The following ATAD2B variants were observed in gnomAD, a reference collection of about 807,000 sequenced individuals.
ATAD2B encodes the protein ATPase family AAA domain containing 2B.
A neutral mutation model predicts 167.6 loss-of-function variants in ATAD2B; 40 were observed. The ratio of observed to expected loss-of-function variants is 0.24; its 90% CI spans 0.19 to 0.31. The LOEUF (loss-of-function observed/expected upper bound fraction) is 0.31, where lower values mean the gene tolerates loss of function less well. Ranked by LOEUF, ATAD2B falls within the 10% of genes least tolerant of loss-of-function variation. The probability of loss-of-function intolerance (pLI) is 1.00; values close to 1 mark genes in which losing one functional copy is unlikely to be tolerated. For missense variants in ATAD2B, 1,242 were observed against 1,757.2 expected (o/e 0.71, Z 5.24); for synonymous variants, 579 against 596.5 (o/e 0.97, Z 0.43).
Position 23,819,901 on chromosome 2 carries a change from A to G in ATAD2B, c.2132-19T>C, listed in dbSNP as rs1204324813. 14 of 1,550,244 alleles carry G rather than the reference A, an allele frequency of 9.0e-6. No individual in the cohort carries two copies. Among genetic ancestry groups the G allele is most frequent in the African/African-American group, 1.4e-5 (1 of 73,272 alleles). ...TCTATATCTGTTTAAAAAAATCACA[A>G]TGGTTATGGGGCTTATAAAGTCATT... On this transcript the variant is annotated intron_variant, in intron 16 of 27. Coordinates refer to ENST00000238789, the MANE Select transcript of ATAD2B (RefSeq NM_017552.4).
chr2:23,787,009 G>GAGT (rs1196772635), intron 20 of ATAD2B, among the ~76,000 whole-genome samples: 2 of 148,180 alleles, frequency 1.3e-5, no homozygotes, highest in Non-Finnish European at 3.0e-5. Flanking sequence ...GAGTACAACA[G>GAGT]AGTACGGATA....
chr2:23,883,055 T>G (rs1698184131), intron 6 of ATAD2B, among the ~76,000 whole-genome samples: 1 of 151,876 alleles, frequency 6.6e-6, no homozygotes, highest in Non-Finnish European at 1.5e-5. Flanking sequence ...AGGAAGACTA[T>G]TTGAGCTCAC....
chr2:23,770,523 G>C (rs866243331), intron 22 of ATAD2B, among the ~76,000 whole-genome samples: 1 of 152,148 alleles, frequency 6.6e-6, no homozygotes, highest in Non-Finnish European at 1.5e-5. Context: ...GTGATCCATT[G>C]TGAGTCAACT....
intron 11 of ATAD2B, among the ~76,000 whole-genome samples, chr2:23,864,446 T>A (rs1168857311): frequency 6.6e-6 from 1 of 152,168 alleles, no homozygotes; most frequent in Non-Finnish European, 1.5e-5. Context: ...AAATACTCCA[T>A]CATCAAGTCA....
the ATAD2B span, among the ~76,000 whole-genome samples, chr2:23,727,638 A>T: frequency 6.6e-6 from 1 of 152,206 alleles, no homozygotes; most frequent in Non-Finnish European, 1.5e-5. Context: ...CTTTATTCAC[A>T]ATTGACAAAA....
At chr2:23,794,592 A>G (rs1219004608) in intron 19 of ATAD2B, among the ~76,000 whole-genome samples, 42 of 152,164 alleles carry the variant, frequency 2.8e-4, no homozygotes, top group Admixed American at 2.7e-3. Flanking sequence ...TCAGTAAAAA[A>G]TCTGAAAATA....
the ATAD2B span, among the ~76,000 whole-genome samples, chr2:23,732,636 T>G: frequency 6.6e-6 from 1 of 152,192 alleles, no homozygotes; most frequent in Non-Finnish European, 1.5e-5. Flanking sequence ...AAAATTGATG[T>G]TATTAGATAT....
chr2:23,720,333 G>C, the ATAD2B span, among the ~76,000 whole-genome samples: 1 of 152,118 alleles, frequency 6.6e-6, no homozygotes, highest in Non-Finnish European at 1.5e-5. Flanking sequence ...CAGCACTTTG[G>C]GAGGCTGAGG....
chr2:23,734,777 G>A, the ATAD2B span, among the ~76,000 whole-genome samples: 1 of 152,124 alleles, frequency 6.6e-6, no homozygotes, highest in African/African-American at 2.4e-5. Context: ...CATGAGATGT[G>A]GGTGGGGACA....
intron 22 of ATAD2B, 30 bp downstream of exon 22, chr2:23,782,839 C>T (rs758589894): frequency 1.3e-6 from 2 of 1,568,786 alleles, no homozygotes; most frequent in Admixed American, 3.6e-5. Flanking sequence ...GATTGATTAT[C>T]AAGGGGAACC....
At chr2:23,696,231 T>A in the ATAD2B span, 1 of 1,485,476 alleles carries the variant, frequency 6.7e-7, no homozygotes, top group South Asian at 1.3e-5. This position sits in a 1 kb window ranked among gnomAD's most constrained non-coding sequence, Gnocchi z 5.5. Flanking sequence ...CAGAAGTGTC[T>A]ACTTTGCAGG....
At chr2:23,730,706 C>T in the ATAD2B span, among the ~76,000 whole-genome samples, 2 of 89,906 alleles carry the variant, frequency 2.2e-5, no homozygotes, top group Non-Finnish European at 5.1e-5. Flanking sequence ...GAAAATACAA[C>T]ATGTCAAAAT....
At chr2:23,900,141 C>G (rs940369020) in intron 1 of ATAD2B, among the ~76,000 whole-genome samples, 3 of 151,892 alleles carry the variant, frequency 2.0e-5, no homozygotes, top group African/African-American at 7.3e-5. Context: ...TGGTCTCAAA[C>G]TCCTGACCTC....
chr2:23,704,435 C>G, the ATAD2B span, among the ~76,000 whole-genome samples: 1 of 152,212 alleles, frequency 6.6e-6, no homozygotes, highest in Non-Finnish European at 1.5e-5. Flanking sequence ...GCTCTTCCAG[C>G]CCCATCCTTT....
At position 23,895,870 on chromosome 2, in the gene ATAD2B, G is replaced by A. The variant is rs1412447237; in HGVS notation, c.317C>T (p.Ser106Leu). 1.1e-5 allele frequency: 18 copies of A among 1,613,078 alleles called. No individual in the cohort carries two copies. The highest frequency in any genetic ancestry group is 1.4e-5 in the Non-Finnish European group (17 of 1,179,422). Residue 106 changes from serine to leucine, a missense_variant, in exon 2 of 28, where the codon TCA (serine) becomes TTA (leucine). By Grantham distance (145) the Ser-to-Leu change is moderately radical. This residue lies in a region of ATAD2B where 199 missense variants were observed against 194.9 expected (regional missense o/e 1.02). Transcript: ENST00000238789. ...PDSVCKDKSK[S>L]RSTGQREEWN... ...TTCCTCTCGCTGACCAGTACTTCGT[G>A]ATTTTGATTTGTCTTTGCAAACAGA... is the stretch of plus-strand genomic sequence containing the variant.
intron 7 of ATAD2B, 35 bp downstream of exon 7, chr2:23,880,604 T>A: frequency 1.7e-6 from 2 of 1,188,138 alleles, no homozygotes; most frequent in Non-Finnish European, 2.4e-6. Context: ...GTTACTCAAC[T>A]ACCAGAAAGA....
At chr2:23,799,624 T>C (rs1181474509) in intron 18 of ATAD2B, among the ~76,000 whole-genome samples, 2 of 149,548 alleles carry the variant, frequency 1.3e-5, no homozygotes, top group South Asian at 2.1e-4. Context: ...ATGATTGGGA[T>C]TATCGGAAAC....
At chr2:23,699,897 C>T in the ATAD2B span, among the ~76,000 whole-genome samples, 3 of 152,338 alleles carry the variant, frequency 2.0e-5, no homozygotes, top group African/African-American at 7.2e-5. Flanking sequence ...AGAGATCTGA[C>T]CCTACAGACT....
intron 18 of ATAD2B, 24 bp downstream of exon 18, chr2:23,810,292 T>G: frequency 6.3e-7 from 1 of 1,578,990 alleles, no homozygotes. Context: ...AAGTTGGAAG[T>G]GCTCTGATGT....
Sources: gnomAD v4.1 joint callset for allele counts (sites outside exome capture counted in the v4.1 genomes callset) on GRCh38, gnomAD v4.1.1 for gene constraint, gnomAD v4.1.1 regional missense constraint, Gnocchi (gnomAD v3.1) non-coding constraint, MANE v1.5 for transcripts, NCBI Gene and HGNC (gene_info 2026-07-23, HGNC 2026-07-21) for gene names.